BCL2: variants seen among roughly 807,000 people sequenced by gnomAD.
BCL2 encodes BCL2 apoptosis regulator.
A neutral mutation model predicts 14.2 loss-of-function variants in BCL2; 1 was observed. That is an observed-to-expected ratio of 0.07 (90% CI 0.02 to 0.33). The LOEUF (loss-of-function observed/expected upper bound fraction) is 0.33, where lower values mean the gene tolerates loss of function less well. Among genes scored for constraint, BCL2 ranks in the 10% least tolerant of loss-of-function variants. The pLI is 0.99. For synonymous variants in BCL2, 151 were observed against 137.2 expected, an observed-to-expected ratio of 1.10 and a Z score of -0.70; for missense variants, 247 against 305.9, an observed-to-expected ratio of 0.81 and a Z score of 1.44.
At chr18:63,264,694 G>T (rs1911766085) in intron 2 of BCL2, among the ~76,000 whole-genome samples, 1 of 136,814 alleles carries the variant, frequency 7.3e-6, no homozygotes, top group African/African-American at 2.5e-5. Context: ...TGACATCGTA[G>T]AAATTTTTAA....
At chr18:63,162,454 C>G (rs1471327511) in intron 2 of BCL2, among the ~76,000 whole-genome samples, 1 of 152,154 alleles carries the variant, frequency 6.6e-6, no homozygotes, top group Admixed American at 6.5e-5. Context: ...TTTATTTCTT[C>G]AACTTGCCTT....
chr18:63,198,571 GACAC>G (rs1280976976), intron 2 of BCL2, among the ~76,000 whole-genome samples: 14 of 120,192 alleles, frequency 1.2e-4, no homozygotes, highest in African/African-American at 2.6e-4. Flanking sequence ...GACACACATT[GACAC>G]ACAGACACAT....
chr18:63,314,558 C>T (rs568768858), intron 2 of BCL2: 3 of 152,320 alleles, frequency 2.0e-5, no homozygotes, highest in East Asian at 1.9e-4. Context: ...TCATCTCATT[C>T]TTCTAGTGGC....
rs75680833 is a variant in BCL2 at position 63,162,707 on chromosome 18, C to T, written c.586-33948G>A. On this transcript the variant is annotated intron_variant, in intron 2 of 2. Coordinates refer to ENST00000333681, the MANE Select transcript of BCL2 (RefSeq NM_000633.3). ...TGCTCTTGGCACAATTAATCCTTGG[C>T]TACCACTAGGGCAGCATCCTCACTG... is the stretch of plus-strand genomic sequence containing the variant. 7.7e-3 allele frequency among the ~76,000 whole-genome samples: 1,178 copies of T among 152,300 alleles called. 18 individuals carry two copies. The highest frequency in any genetic ancestry group is 0.027 in the African/African-American group (1,128 of 41,568).
At chr18:63,291,275 G>C (rs1363166872) in intron 2 of BCL2, among the ~76,000 whole-genome samples, 6 of 152,130 alleles carry the variant, frequency 3.9e-5, no homozygotes, top group Admixed American at 2.0e-4. Flanking sequence ...CCATTTCTCT[G>C]TATTTGTCGA....
chr18:63,304,458 A>AT (rs1351664870), intron 2 of BCL2, among the ~76,000 whole-genome samples: 6 of 152,264 alleles, frequency 3.9e-5, no homozygotes, highest in South Asian at 4.1e-4. Context: ...GCCCAGTGTT[A>AT]TTTTTTTAAT....
At position 63,297,732 on chromosome 18, in the gene BCL2, A is replaced by C. The variant is rs8089306; in HGVS notation, c.585+20350T>G. On this transcript the variant is annotated intron_variant, in intron 2 of 2. Coordinates refer to ENST00000333681, the MANE Select transcript of BCL2 (RefSeq NM_000633.3). Reference sequence around the variant, plus strand: ...TGACCTTTTCCTGTTCCCAAAACACAGAAGTCTTGGCTCGCAGACTGCCAA... The same window carrying C: ...TGACCTTTTCCTGTTCCCAAAACACCGAAGTCTTGGCTCGCAGACTGCCAA... Among the ~76,000 whole-genome samples the C allele has an allele frequency of 4.5e-4, 68 of 152,368 alleles. 1 individual carries two copies. The highest frequency in any genetic ancestry group is 1.4e-3 in the African/African-American group (58 of 41,576).
At chr18:63,253,856 G>A (rs1599271446) in intron 2 of BCL2, among the ~76,000 whole-genome samples, 1 of 146,978 alleles carries the variant, frequency 6.8e-6, no homozygotes. Context: ...AAGAAAGAAA[G>A]AAAGAAAGAA....
At chr18:63,147,414 T>C (rs960488327) in intron 2 of BCL2, among the ~76,000 whole-genome samples, 2 of 152,214 alleles carry the variant, frequency 1.3e-5, no homozygotes, top group Admixed American at 6.5e-5. Flanking sequence ...CTGGCTTGCA[T>C]TCAAAGTCGC....
At chr18:63,296,650 G>C (rs1243322055) in intron 2 of BCL2, among the ~76,000 whole-genome samples, 1 of 152,108 alleles carries the variant, frequency 6.6e-6, no homozygotes. Context: ...AGGGCAGGCT[G>C]GCAACAGTGA....
chr18:63,172,510 G>C (rs1003315792), intron 2 of BCL2, among the ~76,000 whole-genome samples: 8 of 152,144 alleles, frequency 5.3e-5, no homozygotes, highest in Non-Finnish European at 1.2e-4. Flanking sequence ...GGCCGGGCGT[G>C]GTGGTTCACG....
chr18:63,280,930 G>A (rs1912291277), intron 2 of BCL2, among the ~76,000 whole-genome samples: 1 of 152,210 alleles, frequency 6.6e-6, no homozygotes, highest in Non-Finnish European at 1.5e-5. Flanking sequence ...AGGGGAAGCA[G>A]CTCAAGTATC....
rs996600143 is a variant in BCL2 at position 63,299,028 on chromosome 18, A to G, written c.585+19054T>C. ...ACAGCTGTAATGGGTCCCCCTCTGC[A>G]AGCCTCAGTGTTCTCATCTGCAAGA... On this transcript the variant is annotated intron_variant, in intron 2 of 2. Coordinates refer to ENST00000333681, the MANE Select transcript of BCL2 (RefSeq NM_000633.3). 3.9e-5 allele frequency among the ~76,000 whole-genome samples: 6 copies of G among 152,200 alleles called. No homozygotes were observed. In the East Asian group the frequency reaches 1.2e-3, roughly 29 times the overall value.
chr18:63,135,509 C>T (rs1418554298), intron 2 of BCL2, among the ~76,000 whole-genome samples: 2 of 152,208 alleles, frequency 1.3e-5, no homozygotes, highest in Non-Finnish European at 2.9e-5. Context: ...CACACATCTT[C>T]CTCACCTTTT....
intron 2 of BCL2, among the ~76,000 whole-genome samples, chr18:63,280,887 C>T (rs1430659212): frequency 6.6e-6 from 1 of 152,064 alleles, no homozygotes; most frequent in Non-Finnish European, 1.5e-5. Context: ...GTGTACATAC[C>T]GTTCATAGCA....
chr18:63,220,078 G>A (rs910487125), intron 2 of BCL2, among the ~76,000 whole-genome samples: 6 of 152,130 alleles, frequency 3.9e-5, no homozygotes, highest in African/African-American at 9.7e-5. Flanking sequence ...GTTATAATGC[G>A]CATTTGGAGC....
chr18:63,313,059 T>TA (rs1913383843), intron 2 of BCL2, among the ~76,000 whole-genome samples: 1 of 152,236 alleles, frequency 6.6e-6, no homozygotes, highest in African/African-American at 2.4e-5. Flanking sequence ...ATAACGTTCT[T>TA]AGACCAAGGC....
chr18:63,275,927 A>G (rs1912138754), intron 2 of BCL2, among the ~76,000 whole-genome samples: 1 of 152,264 alleles, frequency 6.6e-6, no homozygotes, highest in Admixed American at 6.5e-5. Flanking sequence ...TTGCAGGAAA[A>G]GGAATCAAAA....
chr18:63,269,348 A>G lies in BCL2; in HGVS notation c.585+48734T>C, dbSNP rs111605676. Among the ~76,000 whole-genome samples, 1,505 of 152,270 alleles carry G rather than the reference A, an allele frequency of 9.9e-3. 23 individuals carry two copies. The highest frequency in any genetic ancestry group is 0.035 in the African/African-American group (1,442 of 41,554). Reference sequence around the variant, plus strand: ...CAAGAAATGGGCAATTTATTTTCCCACTTGTAGAGATTCATGAGACTTTTG... The same window carrying G: ...CAAGAAATGGGCAATTTATTTTCCCGCTTGTAGAGATTCATGAGACTTTTG... On this transcript the variant is annotated intron_variant, in intron 2 of 2. Transcript: ENST00000333681.
Sources: gnomAD v4.1 joint callset for allele counts (sites outside exome capture counted in the v4.1 genomes callset) on GRCh38, gnomAD v4.1.1 for gene constraint, MANE v1.5 for transcripts, NCBI Gene and HGNC (gene_info 2026-07-23, HGNC 2026-07-21) for gene names.